The following RELN variants were observed in gnomAD, a reference collection of about 807,000 sequenced individuals.
RELN encodes the protein reelin.
In RELN, 108 loss-of-function variants were observed where a neutral mutation model predicts 427.6. The ratio of observed to expected loss-of-function variants is 0.25; its 90% confidence interval spans 0.22 to 0.30. The LOEUF (loss-of-function observed/expected upper bound fraction) is 0.30. Ranked by LOEUF, RELN falls within the 10% of genes least tolerant of loss-of-function variation. The pLI is 1.00. For synonymous variants in RELN, 1,524 were observed against 1,513.4 expected, an observed-to-expected ratio of 1.01 and a Z score of -0.16; for missense variants, 3,715 against 4,302.8, an observed-to-expected ratio of 0.86 and a Z score of 3.82.
chr7:103,842,461 CA>C (rs1163604290), intron 2 of RELN, among the ~76,000 whole-genome samples: 2 of 152,230 alleles, frequency 1.3e-5, no homozygotes, highest in Admixed American at 1.3e-4. Context: ...TCAGACATTT[CA>C]ACAAAGCCAA....
At chr7:103,665,540 T>C (rs1004725661) in intron 11 of RELN, among the ~76,000 whole-genome samples, 2 of 152,136 alleles carry the variant, frequency 1.3e-5, no homozygotes, top group Non-Finnish European at 2.9e-5. Context: ...AAAACCCTAC[T>C]TGGATCTCGA....
At chr7:103,638,716 T>C (rs368893693) in intron 17 of RELN, among the ~76,000 whole-genome samples, 1 of 152,102 alleles carries the variant, frequency 6.6e-6, no homozygotes, top group Non-Finnish European at 1.5e-5. Context: ...ATGGTGAAAA[T>C]ATTCCATAAA....
chr7:103,881,255 ATCTT>A (rs1277316368), intron 2 of RELN, among the ~76,000 whole-genome samples: 1 of 152,000 alleles, frequency 6.6e-6, no homozygotes, highest in East Asian at 1.9e-4. Flanking sequence ...TCCATTCCTC[ATCTT>A]TCTTTATCTC....
chr7:103,510,500 A>AG (rs1829372154), intron 51 of RELN, among the ~76,000 whole-genome samples: 1 of 146,708 alleles, frequency 6.8e-6, no homozygotes, highest in Non-Finnish European at 1.5e-5. Context: ...GGAGTGGAGG[A>AG]GGGATAGCAT....
At chr7:103,487,408 AAAAAG>A (rs1320713147) in intron 60 of RELN, among the ~76,000 whole-genome samples, 3 of 151,468 alleles carry the variant, frequency 2.0e-5, no homozygotes, top group Admixed American at 6.6e-5. Context: ...GTAGAAAAAA[AAAAAG>A]AGAAATATAA....
Position 103,904,512 on chromosome 7 carries a change from C to T in RELN, c.337+12563G>A, listed in dbSNP as rs2116628507. Among the ~76,000 whole-genome samples, 3 of 152,286 alleles carry T rather than the reference C, an allele frequency of 2.0e-5. 1 individual carries two copies. Among genetic ancestry groups the T allele is most frequent in the African/African-American group, 7.2e-5 (3 of 41,562 alleles). ...TCCTATTTCTCCACAGCCACACCAG[C>T]ATCTACTGTTCCTTGACTTTACATA... On this transcript the variant is annotated intron_variant, in intron 2 of 64. Coordinates refer to ENST00000428762, the MANE Select transcript of RELN (RefSeq NM_005045.4).
chr7:103,725,998 A>T (rs1411348628), intron 7 of RELN, among the ~76,000 whole-genome samples: 1 of 152,200 alleles, frequency 6.6e-6, no homozygotes, highest in East Asian at 1.9e-4. Flanking sequence ...CTTCAGTAAG[A>T]ATGGGCTTTA....
chr7:103,963,769 C>T (rs1796609117), intron 1 of RELN, among the ~76,000 whole-genome samples: 1 of 152,184 alleles, frequency 6.6e-6, no homozygotes, highest in East Asian at 1.9e-4. Flanking sequence ...CAGTATCTCC[C>T]TTTTCAGATG....
Position 103,562,017 on chromosome 7 carries a change from G to C in RELN, c.5211-64C>G, listed in dbSNP as rs1265793353. On this transcript the variant is annotated intron_variant, in intron 34 of 64. Transcript: ENST00000428762. ...TGACAAGCAACCTTGAAAGCACAAG[G>C]ACATTTATTTTAATTCCCTTTTCTC... 1.9e-6 allele frequency: 3 copies of C among 1,557,024 alleles called. No individual in the cohort carries two copies. In the Admixed American group the frequency reaches 5.6e-5, roughly 29 times the overall value.
At chr7:103,817,125 T>C (rs1000988463) in intron 3 of RELN, among the ~76,000 whole-genome samples, 20 of 152,200 alleles carry the variant, frequency 1.3e-4, no homozygotes, top group African/African-American at 4.8e-4. Flanking sequence ...GTGCTGGGAT[T>C]ACAAGCACGA....
intron 11 of RELN, among the ~76,000 whole-genome samples, chr7:103,679,479 C>T (rs1833608759): frequency 6.6e-6 from 1 of 152,182 alleles, no homozygotes; most frequent in Non-Finnish European, 1.5e-5. Flanking sequence ...CTTATTGGAA[C>T]AGAAATCTGC....
At chr7:103,646,962 C>A (rs1832810672) in intron 16 of RELN, among the ~76,000 whole-genome samples, 2 of 151,206 alleles carry the variant, frequency 1.3e-5, no homozygotes, top group African/African-American at 4.8e-5. Context: ...TCAACCTATG[C>A]AAATCATCTT....
chr7:103,728,251 C>T, intron 6 of RELN, 44 bp from the exon 7 acceptor site: 2 of 1,573,370 alleles, frequency 1.3e-6, no homozygotes, highest in Non-Finnish European at 1.7e-6. Flanking sequence ...AACTAAGTAG[C>T]ACACGTGGTT....
chr7:103,695,254 C>A (rs897376545), intron 10 of RELN, among the ~76,000 whole-genome samples: 1 of 152,162 alleles, frequency 6.6e-6, no homozygotes, highest in East Asian at 1.9e-4. Flanking sequence ...AACAAAAGGG[C>A]AGTCATGTAA....
Position 103,510,864 on chromosome 7 carries a change from A to C in RELN, c.8261T>G (p.Ile2754Ser), listed in dbSNP as rs771681966. 4 of 1,613,484 alleles carry C rather than the reference A, an allele frequency of 2.5e-6. No individual in the cohort carries two copies. In the East Asian group the frequency reaches 6.7e-5, roughly 27 times the overall value. Residue 2754 changes from isoleucine to serine, a missense_variant, in exon 51 of 65, where the codon ATT (isoleucine) becomes AGT (serine). Physicochemically the swap from Ile to Ser is moderately radical, Grantham distance 142. Transcript: ENST00000428762. ...ATAACATTTCACCTTGAATTGCATA[A>C]TCCAGCCTTCAGTGGGAGTCAGGTC... Reference protein sequence around the residue: ...THDLTPTEGWIMQFKISVGCK... With the variant: ...THDLTPTEGWSMQFKISVGCK...
At chr7:103,619,389 C>T (rs545739819) in intron 20 of RELN, among the ~76,000 whole-genome samples, 1 of 152,290 alleles carries the variant, frequency 6.6e-6, no homozygotes, top group South Asian at 2.1e-4. Flanking sequence ...AGAGCAGCTC[C>T]TCCACCCCTT....
At chr7:103,567,052 C>T (rs1377643233) in intron 31 of RELN, among the ~76,000 whole-genome samples, 4 of 152,132 alleles carry the variant, frequency 2.6e-5, no homozygotes, top group African/African-American at 7.2e-5. Flanking sequence ...CCTCAGATCA[C>T]GTATTTGAAT....
At chr7:103,851,432 A>G (rs545424981) in intron 2 of RELN, among the ~76,000 whole-genome samples, 1 of 152,166 alleles carries the variant, frequency 6.6e-6, no homozygotes, top group African/African-American at 2.4e-5. Flanking sequence ...CATCACCACT[A>G]AAGAACTTAC....
intron 8 of RELN, among the ~76,000 whole-genome samples, chr7:103,718,409 A>G (rs1190385968): frequency 6.6e-6 from 1 of 152,216 alleles, no homozygotes; most frequent in African/African-American, 2.4e-5. Flanking sequence ...GTAAAACTCA[A>G]GAGAAAAGGT....
Sources: gnomAD v4.1 joint callset for allele counts (sites outside exome capture counted in the v4.1 genomes callset) on GRCh38, gnomAD v4.1.1 for gene constraint, MANE v1.5 for transcripts, NCBI Gene and HGNC (gene_info 2026-07-23, HGNC 2026-07-21) for gene names.